Variants in WDR82 observed in about 807,000 individuals in gnomAD.
The protein encoded by WDR82 is WD repeat domain 82, also known as WD repeat-containing protein 82.
A neutral mutation model predicts 36.1 loss-of-function variants in WDR82; 8 were observed. That is an observed-to-expected ratio of 0.22 (90% CI 0.13 to 0.40). The LOEUF (loss-of-function observed/expected upper bound fraction) is 0.40. Among genes scored for constraint, WDR82 ranks in the 10% least tolerant of loss-of-function variants. WDR82 has a pLI of 1.00. For missense variants in WDR82, 185 were observed against 400.5 expected (o/e 0.46, Z 4.59); for synonymous variants, 129 against 137.8 (o/e 0.94, Z 0.45).
rs869189597 is a variant in WDR82, at chr3:52,265,299, C to CAAAAAAAAA, written c.326+1644_326+1652dup. ...TGGGCGACAGAGCGAGACTCTGTCT[C>CAAAAAAAAA]AAAAAAAAAAAAAAAAAAAAAAAAA... On this transcript the variant is annotated intron_variant, in intron 3 of 8. Coordinates refer to ENST00000296490, the MANE Select transcript of WDR82 (RefSeq NM_025222.4). 6.2e-4 allele frequency among the ~76,000 whole-genome samples: 27 copies of CAAAAAAAAA among 43,812 alleles called. 2 individuals are homozygous for CAAAAAAAAA. Among genetic ancestry groups the CAAAAAAAAA allele is most frequent in the African/African-American group, 1.0e-3 (11 of 10,816 alleles). The allele number at this position is 43,812 out of a possible 152,430, so 28.7% of individuals were successfully genotyped here. A position where few individuals can be genotyped will look rare whatever the true frequency, so the allele number is the denominator to read the frequency against.
rs779771835 is a variant in WDR82, at chr3:52,278,381, A to G, written c.-20T>C. ...CTTCATGGCGGCGGCTGGGGAAGGCAGCGGCGGCGCAGGGCCGGGGCGGGG... is the reference window on the plus strand; with the variant it reads ...CTTCATGGCGGCGGCTGGGGAAGGCGGCGGCGGCGCAGGGCCGGGGCGGGG... On this transcript the variant is annotated 5_prime_UTR_variant, in exon 1 of 9. Coordinates refer to ENST00000296490, the MANE Select transcript of WDR82 (RefSeq NM_025222.4). 6.6e-6 allele frequency: 10 copies of G among 1,505,914 alleles called. No individual in the cohort carries two copies. In the East Asian group the frequency reaches 8.5e-5, roughly 13 times the overall value. 93.3% of individuals were successfully genotyped at this position (1,505,914 alleles called of 1,614,324 possible). A position where few individuals can be genotyped will look rare whatever the true frequency, so the allele number is the denominator to read the frequency against.
intron 1 of WDR82, among the ~76,000 whole-genome samples, chr3:52,277,828 G>A (rs576182872): frequency 6.6e-6 from 1 of 152,318 alleles, no homozygotes; most frequent in East Asian, 1.9e-4. Flanking sequence ...GCAGTCCTGC[G>A]TCGAGGCCGG....
At chr3:52,276,708 C>T (rs1263705115) in intron 1 of WDR82, among the ~76,000 whole-genome samples, 1 of 152,172 alleles carries the variant, frequency 6.6e-6, no homozygotes, top group African/African-American at 2.4e-5. Context: ...AATGTTACTT[C>T]GTCTTCTAAA....
rs944242770 is a variant in WDR82 at position 52,256,180 on chromosome 3, G to A, written c.*1310C>T. On this transcript the variant is annotated 3_prime_UTR_variant, in exon 9 of 9. Coordinates refer to ENST00000296490, the MANE Select transcript of WDR82 (RefSeq NM_025222.4). ...CCCTCACTTAGCTGCCAAAGAAACA[G>A]CAAACACTATCAGCTTTGCTTCAGT... 1 of 154,000 alleles carries A rather than the reference G, an allele frequency of 6.5e-6. No homozygotes were observed. Among genetic ancestry groups the A allele is most frequent in the Non-Finnish European group, 1.5e-5 (1 of 68,096 alleles). 9.5% of individuals were successfully genotyped at this position (154,000 alleles called of 1,614,324 possible).
intron 1 of WDR82, among the ~76,000 whole-genome samples, chr3:52,275,667 C>T (rs938352695): frequency 4.6e-5 from 7 of 152,222 alleles, no homozygotes; most frequent in South Asian, 2.1e-4. Context: ...GGGTAGATCA[C>T]GAGATCAGGA....
chr3:52,271,366 T>G (rs1322056328), intron 1 of WDR82, among the ~76,000 whole-genome samples: 1 of 152,198 alleles, frequency 6.6e-6, no homozygotes, highest in Non-Finnish European at 1.5e-5. Context: ...CCTAGGTGTG[T>G]GCAGATTATA....
chr3:52,254,837 G>A lies in WDR82; in HGVS notation c.*2653C>T, dbSNP rs1475001718. On this transcript the variant is annotated 3_prime_UTR_variant, in exon 9 of 9. Coordinates refer to ENST00000296490, the MANE Select transcript of WDR82 (RefSeq NM_025222.4). ...CACGTCTGTGCAGCCCCAGCCCTCA[G>A]CATCTCTTCCACTCGCTTCCAGCTA... is the stretch of plus-strand genomic sequence containing the variant. 6.6e-6 allele frequency: 1 copy of A among 152,212 alleles called. No homozygotes were observed. Among genetic ancestry groups the A allele is most frequent in the Non-Finnish European group, 1.5e-5 (1 of 68,134 alleles). The allele number at this position is 152,212 out of a possible 1,614,324, so 9.4% of individuals were successfully genotyped here. A position where few individuals can be genotyped will look rare whatever the true frequency, so the allele number is the denominator to read the frequency against.
intron 7 of WDR82, 27 bp downstream of exon 7, chr3:52,259,170 C>A (rs764387472): frequency 6.2e-7 from 1 of 1,603,040 alleles, no homozygotes. Context: ...GAGAAATAAC[C>A]CCCACAGGGG....
At chr3:52,269,384 A>G (rs1053401332) in intron 2 of WDR82, among the ~76,000 whole-genome samples, 2 of 152,180 alleles carry the variant, frequency 1.3e-5, no homozygotes, top group African/African-American at 4.8e-5. Flanking sequence ...CTGAGGCAAG[A>G]GCATCGCTTG....
At chr3:52,276,780 A>G (rs1265360850) in intron 1 of WDR82, among the ~76,000 whole-genome samples, 1 of 152,184 alleles carries the variant, frequency 6.6e-6, no homozygotes, top group African/African-American at 2.4e-5. Context: ...ACTGACTCAA[A>G]TAACTATTTG....
intron 8 of WDR82, 21 bp from the exon 9 acceptor site, chr3:52,257,540 A>C (rs778324388): frequency 2.6e-5 from 42 of 1,613,956 alleles, no homozygotes; most frequent in Non-Finnish European, 3.5e-5. Context: ...AACATAAATC[A>C]ACTTTAAAAA....
chr3:52,270,411 C>T (rs146121231), intron 2 of WDR82, among the ~76,000 whole-genome samples: 1 of 152,216 alleles, frequency 6.6e-6, no homozygotes, highest in Admixed American at 6.5e-5. Context: ...AGCCCCTACG[C>T]CCGGCTTTAA....
chr3:52,278,455 G>A lies in WDR82; in HGVS notation c.-94C>T. 1 of 1,097,926 alleles carries A rather than the reference G, an allele frequency of 9.1e-7. No homozygotes were observed. Among genetic ancestry groups the A allele is most frequent in the Non-Finnish European group, 1.1e-6 (1 of 884,190 alleles). The allele number at this position is 1,097,926 out of a possible 1,614,324, so 68.0% of individuals were successfully genotyped here. On this transcript the variant is annotated 5_prime_UTR_variant, in exon 1 of 9. Transcript: ENST00000296490. ...CCGAGGGGCCAACCCAGGCGGGGCG[G>A]GCGCCGCGCCGGCGGCTAGCGGGAA...
intron 8 of WDR82, 112 bp downstream of exon 8, chr3:52,258,424 G>T: frequency 2.4e-6 from 3 of 1,227,162 alleles, no homozygotes; most frequent in Non-Finnish European, 3.5e-6. Flanking sequence ...ACATGTACTT[G>T]GATGCTTGTA....
chr3:52,273,857 G>A (rs560763020), intron 1 of WDR82, among the ~76,000 whole-genome samples: 64 of 152,122 alleles, frequency 4.2e-4, no homozygotes, highest in Non-Finnish European at 8.8e-5. Flanking sequence ...TCCTGACCCA[G>A]GCGATCCACC....
chr3:52,258,920 C>T (rs1279650155), intron 7 of WDR82, among the ~76,000 whole-genome samples: 2 of 152,054 alleles, frequency 1.3e-5, no homozygotes, highest in African/African-American at 4.8e-5. Flanking sequence ...AAAAAGGGGC[C>T]GAATACCATT....
intron 5 of WDR82, among the ~76,000 whole-genome samples, 180 bp from the exon 6 acceptor site, chr3:52,260,052 C>T (rs756852987): frequency 3.3e-5 from 5 of 152,114 alleles, no homozygotes; most frequent in East Asian, 1.9e-4. Context: ...CTTACAGGGC[C>T]GGGCGCGGTG....
chr3:52,268,204 A>G (rs1700122980), intron 2 of WDR82: 1 of 413,880 alleles, frequency 2.4e-6, no homozygotes, highest in Non-Finnish European at 5.2e-6. Context: ...CTTCCTCCCC[A>G]TTACCTGGTT....
chr3:52,263,082 C>A (rs552086062), intron 3 of WDR82, among the ~76,000 whole-genome samples: 1 of 152,312 alleles, frequency 6.6e-6, no homozygotes, highest in East Asian at 1.9e-4. Flanking sequence ...GAGCCAAGAT[C>A]ACACCACTGC....
Sources: allele counts gnomAD v4.1 joint callset (sites outside exome capture counted in the v4.1 genomes callset), GRCh38; gene constraint gnomAD v4.1.1; transcripts MANE v1.5; gene names NCBI Gene and HGNC (gene_info 2026-07-23, HGNC 2026-07-21).